ZFHX3: variants seen among roughly 807,000 people sequenced by gnomAD.
ZFHX3 encodes the protein zinc finger homeobox protein 3.
A neutral mutation model predicts 279.1 loss-of-function variants in ZFHX3; 42 were observed. That is an observed-to-expected ratio of 0.15 (90% CI 0.12 to 0.19). ZFHX3 has a LOEUF of 0.19. Ranked by LOEUF, ZFHX3 falls within the 10% of genes least tolerant of loss-of-function variation. The probability of loss-of-function intolerance (pLI) is 1.00; values close to 1 mark genes in which losing one functional copy is unlikely to be tolerated. For synonymous variants in ZFHX3, 2,293 were observed against 1,957.8 expected, an observed-to-expected ratio of 1.17 and a Z score of -4.52; for missense variants, 4,981 against 4,754.0, an observed-to-expected ratio of 1.05 and a Z score of -1.40.
At chr16:73,436,317 G>A (rs546371023) in intron 3 of ZFHX3, among the ~76,000 whole-genome samples, 17 of 152,186 alleles carry the variant, frequency 1.1e-4, no homozygotes, top group African/African-American at 1.7e-4. Context: ...GTGAAACTCC[G>A]TCTCAACAAA....
chr16:73,670,122 G>C lies in ZFHX3; in HGVS notation c.-1547+10058C>G, dbSNP rs542917521. On this transcript the variant is annotated intron_variant, in intron 2 of 17. Transcript: ENST00000641206. ...CCAGCTGGATAAGGTGGTTTCCCTC[G>C]CAGACCAACACTGCACTGCTAAATA... Among the ~76,000 whole-genome samples the C allele has an allele frequency of 4.6e-5, 7 of 152,242 alleles. No homozygotes were observed. The South Asian group carries it at 1.5e-3, about 32-fold the overall frequency.
intron 5 of ZFHX3, among the ~76,000 whole-genome samples, chr16:73,167,674 A>G (rs545901199): frequency 7.2e-5 from 11 of 152,372 alleles, no homozygotes; most frequent in South Asian, 2.1e-4. Flanking sequence ...ATAAAGCTAG[A>G]ACAATTATGG....
chr16:73,046,199 C>G (rs904451466), intron 1 of ZFHX3, among the ~76,000 whole-genome samples: 2 of 152,192 alleles, frequency 1.3e-5, no homozygotes, highest in Non-Finnish European at 2.9e-5. Flanking sequence ...GTATGTACCT[C>G]TCTGTGAAGA....
intron 2 of ZFHX3, among the ~76,000 whole-genome samples, chr16:73,474,984 A>G (rs538418072): frequency 6.6e-6 from 1 of 152,106 alleles, no homozygotes; most frequent in East Asian, 1.9e-4. Flanking sequence ...ACCCTGTATG[A>G]TGAGGTCACT....
rs1340065062 is a variant in ZFHX3, at chr16:72,793,313, A to C, written c.9369T>G (p.Pro3123=). The C allele has an allele frequency of 6.2e-7, 1 of 1,614,168 alleles. No homozygotes were observed. The highest frequency in any genetic ancestry group is 8.5e-7 in the Non-Finnish European group (1 of 1,180,006). The change falls in exon 9 of 10, where the codon CCT becomes CCG. Residue 3123 remains proline, a synonymous_variant. Coordinates refer to ENST00000268489, the MANE Select transcript of ZFHX3 (RefSeq NM_006885.4). The surrounding 1 kb of genome is among the most constrained non-coding windows in gnomAD (Gnocchi z 4.3). ...GGCTGTTGAGGCCCGGGAGCAACAC[A>C]GGAGGAATGCCCTGGAGCGCTGGAT... ...TAYPALQGIP[P]VLLPGLNSPS...
At chr16:73,368,268 A>C (rs2016564572) in intron 3 of ZFHX3, among the ~76,000 whole-genome samples, 1 of 152,236 alleles carries the variant, frequency 6.6e-6, no homozygotes, top group Non-Finnish European at 1.5e-5. Flanking sequence ...AAACAAAACA[A>C]AAAGCCTCTG....
chr16:72,812,846 C>G (rs199796404), intron 5 of ZFHX3, among the ~76,000 whole-genome samples: 1 of 152,110 alleles, frequency 6.6e-6, no homozygotes, highest in Non-Finnish European at 1.5e-5. Flanking sequence ...ACAGCACGTA[C>G]GGAAGTGCTG....
intron 2 of ZFHX3, among the ~76,000 whole-genome samples, chr16:73,660,191 T>C (rs1284826552): frequency 1.3e-5 from 2 of 152,224 alleles, no homozygotes; most frequent in Admixed American, 1.3e-4. Context: ...TTGTGAATTT[T>C]GCAAACAGAA....
chr16:73,296,526 A>T (rs2014913436), intron 4 of ZFHX3, among the ~76,000 whole-genome samples: 1 of 152,186 alleles, frequency 6.6e-6, no homozygotes, highest in Non-Finnish European at 1.5e-5. Flanking sequence ...TTTAAGATTG[A>T]CTTGTACATT....
intron 4 of ZFHX3, among the ~76,000 whole-genome samples, chr16:72,862,356 C>T (rs2037909864): frequency 6.6e-6 from 1 of 152,238 alleles, no homozygotes; most frequent in South Asian, 2.1e-4. Flanking sequence ...TCTTCAAGGT[C>T]AAGTCAGGTC....
At chr16:73,102,105 G>A (rs894110216) in intron 7 of ZFHX3, among the ~76,000 whole-genome samples, 8 of 151,800 alleles carry the variant, frequency 5.3e-5, no homozygotes, top group Admixed American at 2.0e-4. Context: ...GTAGAGACGA[G>A]GTTTTACCAT....
At chr16:73,159,797 C>T (rs1025447528) in intron 5 of ZFHX3, among the ~76,000 whole-genome samples, 1 of 152,176 alleles carries the variant, frequency 6.6e-6, no homozygotes, top group East Asian at 1.9e-4. Flanking sequence ...GAGTCTTGCT[C>T]TGTCACTCAG....
At chr16:73,368,620 T>C (rs886329175) in intron 3 of ZFHX3, among the ~76,000 whole-genome samples, 3 of 152,232 alleles carry the variant, frequency 2.0e-5, no homozygotes, top group South Asian at 2.1e-4. Flanking sequence ...TTATAATGTA[T>C]GGCTAATTGC....
intron 3 of ZFHX3, among the ~76,000 whole-genome samples, chr16:73,334,284 C>T (rs921545323): frequency 1.3e-5 from 2 of 152,066 alleles, no homozygotes; most frequent in Non-Finnish European, 2.9e-5. Context: ...GTTGAATTTG[C>T]TGATCCGTGG....
chr16:72,803,349 A>C (rs558400050), intron 7 of ZFHX3, among the ~76,000 whole-genome samples: 19 of 152,138 alleles, frequency 1.2e-4, no homozygotes, highest in East Asian at 1.9e-4. Context: ...TCAATCAATC[A>C]ATCCATCCCA....
intron 3 of ZFHX3, among the ~76,000 whole-genome samples, chr16:73,343,585 G>A (rs980877255): frequency 6.6e-6 from 1 of 152,088 alleles, no homozygotes; most frequent in Non-Finnish European, 1.5e-5. Flanking sequence ...AGTTAGCTGG[G>A]CATGATGGTG....
At chr16:73,687,048 A>G (rs2053095283) in intron 1 of ZFHX3, among the ~76,000 whole-genome samples, 1 of 83,626 alleles carries the variant, frequency 1.2e-5, no homozygotes, top group African/African-American at 4.9e-5. Flanking sequence ...ATATATATAT[A>G]TATATATATA....
rs200554201 is a variant in ZFHX3, at chr16:72,959,843, G to A, written c.303C>T (p.Ser101=). 308 of 1,595,924 alleles carry A rather than the reference G, an allele frequency of 1.9e-4. No homozygotes were observed. Among genetic ancestry groups the A allele is most frequent in the Non-Finnish European group, 2.4e-4 (286 of 1,169,112 alleles). The part of the protein sequence containing the change: ...LQTYMEHHCP[S]ARPPPPLREE... ...CTCTCAGGGGTGGCGGGGGGCGCGC[G>A]CTGGGGCAGTGGTGCTCCATGTAGG... The change falls in exon 2 of 10, where the codon AGC becomes AGT. Residue 101 remains serine, a synonymous_variant. Transcript: ENST00000268489.
At position 72,793,137 on chromosome 16, in the gene ZFHX3, C is replaced by A; in HGVS notation, c.9427+118G>T. 1 of 1,492,766 alleles carries A rather than the reference C, an allele frequency of 6.7e-7. No individual in the cohort carries two copies. Among genetic ancestry groups the A allele is most frequent in the Non-Finnish European group, 8.9e-7 (1 of 1,120,696 alleles). 92.5% of individuals were successfully genotyped at this position (1,492,766 alleles called of 1,614,324 possible). On this transcript the variant is annotated intron_variant, in intron 9 of 9. Coordinates refer to ENST00000268489, the MANE Select transcript of ZFHX3 (RefSeq NM_006885.4). The surrounding 1 kb of genome is among the most constrained non-coding windows in gnomAD (Gnocchi z 4.3). ...CTGAAGTCTTGTTGCTTTTAAAGAA[C>A]TAGAAAGGTAAGCTTCCCATCTGCC...
Sources: gnomAD v4.1 joint callset for allele counts (sites outside exome capture counted in the v4.1 genomes callset) on GRCh38, gnomAD v4.1.1 for gene constraint, Gnocchi (gnomAD v3.1) non-coding constraint, MANE v1.5 for transcripts, NCBI Gene and HGNC (gene_info 2026-07-23, HGNC 2026-07-21) for gene names.